Variants in ADGRE1 observed in about 807,000 individuals in gnomAD.
ADGRE1 encodes adhesion G protein-coupled receptor E1.
Under a neutral mutation model 102.7 loss-of-function variants are expected in ADGRE1, and 82 were observed. The observed-to-expected ratio is 0.80, with a 90% confidence interval of 0.67 to 0.96. The LOEUF (loss-of-function observed/expected upper bound fraction) is 0.96, where lower values mean the gene tolerates loss of function less well. ADGRE1 is among the 40% of genes least tolerant of loss of function. The pLI is 0.00. For synonymous variants in ADGRE1, 398 were observed against 399.6 expected (o/e 1.00, Z 0.05); for missense variants, 1,032 against 1,085.3 (o/e 0.95, Z 0.69).
At chr19:6,912,111 T>A (rs898107457) in intron 10 of ADGRE1, among the ~76,000 whole-genome samples, 2 of 149,382 alleles carry the variant, frequency 1.3e-5, no homozygotes, top group South Asian at 4.2e-4. Context: ...CACGTATACA[T>A]ACATATACAC....
chr19:6,934,348 G>A (rs1216915375), intron 17 of ADGRE1, among the ~76,000 whole-genome samples: 1 of 151,746 alleles, frequency 6.6e-6, no homozygotes, highest in Admixed American at 6.6e-5. Flanking sequence ...TGGTTCAATT[G>A]CTGCATGGAT....
chr19:6,912,809 A>T (rs754504947), intron 10 of ADGRE1, among the ~76,000 whole-genome samples: 9 of 152,184 alleles, frequency 5.9e-5, no homozygotes, highest in Non-Finnish European at 1.2e-4. Context: ...CACAACTTTT[A>T]AGTATTTCTG....
At chr19:6,926,743 C>T in intron 16 of ADGRE1, 142 bp downstream of exon 16, 2 of 798,292 alleles carry the variant, frequency 2.5e-6, no homozygotes, top group Non-Finnish European at 4.0e-6. Flanking sequence ...CTATTGGTTT[C>T]AGGACCACCA....
At chr19:6,911,219 C>T (rs148123244) in intron 10 of ADGRE1, among the ~76,000 whole-genome samples, 35 of 152,166 alleles carry the variant, frequency 2.3e-4, no homozygotes, top group African/African-American at 7.9e-4. Flanking sequence ...AAATGTCCCG[C>T]TTACCCCGTG....
chr19:6,903,113 A>G (rs998011345), intron 6 of ADGRE1, among the ~76,000 whole-genome samples: 4 of 152,232 alleles, frequency 2.6e-5, no homozygotes, highest in Non-Finnish European at 5.9e-5. Flanking sequence ...TTTTGCAGTC[A>G]TACTTATACC....
intron 5 of ADGRE1, among the ~76,000 whole-genome samples, chr19:6,899,242 A>G (rs893392105): frequency 1.3e-5 from 2 of 152,172 alleles, no homozygotes; most frequent in Non-Finnish European, 2.9e-5. Context: ...GATTGTCTCA[A>G]CCGGTGATGG....
chr19:6,894,579 T>A (rs1183206099), intron 2 of ADGRE1, among the ~76,000 whole-genome samples: 5 of 152,150 alleles, frequency 3.3e-5, no homozygotes, highest in African/African-American at 1.2e-4. Flanking sequence ...GAAACTGACA[T>A]GATGAGGCTG....
Position 6,937,336 on chromosome 19 carries a change from G to A in ADGRE1, c.2475G>A (p.Met825Ile), listed in dbSNP as rs776488728. 3.7e-6 allele frequency: 6 copies of A among 1,614,066 alleles called. No homozygotes were observed. Among genetic ancestry groups the A allele is most frequent in the Non-Finnish European group, 8.5e-7 (1 of 1,180,020 alleles). Residue 825 changes from methionine to isoleucine, a missense_variant, in exon 19 of 21, where the codon ATG (methionine) becomes ATA (isoleucine). Met to Ile is a conservative substitution (Grantham distance 10). Coordinates refer to ENST00000312053, the MANE Select transcript of ADGRE1 (RefSeq NM_001974.5). ...IFQIGPVAGV[M>I]AYLFTIINSL... ...AGATTGGACCTGTGGCAGGTGTCATGGCTTACCTGTTCACCATCATCAACA... is the reference window on the plus strand; with the variant it reads ...AGATTGGACCTGTGGCAGGTGTCATAGCTTACCTGTTCACCATCATCAACA...
chr19:6,898,442 C>G (rs769165138), intron 5 of ADGRE1: 8 of 1,599,408 alleles, frequency 5.0e-6, no homozygotes, highest in Non-Finnish European at 6.9e-6. Context: ...CCAGGAAAGC[C>G]GGGCAATTTC....
chr19:6,937,683 G>C, intron 20 of ADGRE1, 35 bp downstream of exon 20: 1 of 1,601,426 alleles, frequency 6.2e-7, no homozygotes. Flanking sequence ...GGTGCTGGTC[G>C]AGGGAGGTGC....
Position 6,931,442 on chromosome 19 carries a change from G to A in ADGRE1, c.2289+3231G>A, listed in dbSNP as rs578094501. Among the ~76,000 whole-genome samples, 531 of 152,196 alleles carry A rather than the reference G, an allele frequency of 3.5e-3. 3 individuals are homozygous for A. The highest frequency in any genetic ancestry group is 0.012 in the African/African-American group (507 of 41,514). ...GAAATCAAGGTATTGGCAGGGCCACGCTCCCCATGACAACACGAGGGAGGG... is the reference window on the plus strand; with the variant it reads ...GAAATCAAGGTATTGGCAGGGCCACACTCCCCATGACAACACGAGGGAGGG... On this transcript the variant is annotated intron_variant, in intron 17 of 20. Coordinates refer to ENST00000312053, the MANE Select transcript of ADGRE1 (RefSeq NM_001974.5).
intron 5 of ADGRE1, chr19:6,898,353 A>G: frequency 6.3e-7 from 1 of 1,598,262 alleles, no homozygotes; most frequent in Non-Finnish European, 8.6e-7. Context: ...GTCCTAATTC[A>G]TCCTGCAAAA....
intron 20 of ADGRE1, among the ~76,000 whole-genome samples, chr19:6,939,206 A>G (rs1034723841): frequency 1.2e-4 from 19 of 152,200 alleles, no homozygotes; most frequent in African/African-American, 4.6e-4. Flanking sequence ...CATGGATGAC[A>G]TATTCTCTTG....
rs1975456904 is a variant in ADGRE1, at chr19:6,937,353, T to C, written c.2492T>C (p.Ile831Thr). 1.1e-5 allele frequency: 17 copies of C among 1,613,960 alleles called. No individual in the cohort carries two copies. The highest frequency in any genetic ancestry group is 1.4e-5 in the Non-Finnish European group (16 of 1,180,006). ...GGTGTCATGGCTTACCTGTTCACCATCATCAACAGCCTGCAGGGGGCCTTC... is the reference window on the plus strand; with the variant it reads ...GGTGTCATGGCTTACCTGTTCACCACCATCAACAGCCTGCAGGGGGCCTTC... ...VAGVMAYLFT[I>T]INSLQGAFIF... The change falls in exon 19 of 21, where the codon ATC (isoleucine) becomes ACC (threonine). Residue 831 changes from isoleucine (I) to threonine (T), a missense_variant. Physicochemically the swap from Ile to Thr is moderately conservative, Grantham distance 89. Coordinates refer to ENST00000312053, the MANE Select transcript of ADGRE1 (RefSeq NM_001974.5).
At chr19:6,887,663 G>A in intron 1 of ADGRE1, 24 bp downstream of exon 1, 3 of 1,604,560 alleles carry the variant, frequency 1.9e-6, no homozygotes, top group South Asian at 1.1e-5. Flanking sequence ...TGAATGGGGG[G>A]CTAGGGGAGG....
intron 6 of ADGRE1, 87 bp downstream of exon 6, chr19:6,902,108 T>C: frequency 6.6e-7 from 1 of 1,519,572 alleles, no homozygotes. Context: ...TTGGTTGAGT[T>C]TGAGACTTTC....
chr19:6,908,860 G>A (rs547442279), intron 10 of ADGRE1, 88 bp downstream of exon 10: 37 of 1,270,054 alleles, frequency 2.9e-5, no homozygotes, highest in East Asian at 4.7e-5. Context: ...ATGGCTGGGC[G>A]TGGTGGCTCA....
At chr19:6,921,084 G>A (rs995237962) in intron 13 of ADGRE1, among the ~76,000 whole-genome samples, 1 of 152,064 alleles carries the variant, frequency 6.6e-6, no homozygotes, top group African/African-American at 2.4e-5. Flanking sequence ...TCAGGAGTTC[G>A]AGACCAGCCT....
intron 20 of ADGRE1, among the ~76,000 whole-genome samples, chr19:6,938,754 A>G (rs1249883625): frequency 2.0e-5 from 3 of 150,732 alleles, no homozygotes; most frequent in East Asian, 1.9e-4. Flanking sequence ...TGAGGTAGGT[A>G]TCACTGCTCT....
Sources: gnomAD v4.1 joint callset for allele counts (sites outside exome capture counted in the v4.1 genomes callset) on GRCh38, gnomAD v4.1.1 for gene constraint, MANE v1.5 for transcripts, NCBI Gene and HGNC (gene_info 2026-07-23, HGNC 2026-07-21) for gene names.